Variants in CNTNAP2 observed in about 807,000 individuals in gnomAD.
CNTNAP2 encodes the protein contactin-associated protein-like 2.
Under a neutral mutation model 155.2 loss-of-function variants are expected in CNTNAP2, and 98 were observed. The ratio of observed to expected loss-of-function variants is 0.63; its 90% confidence interval spans 0.54 to 0.75. The LOEUF is 0.75. Among genes scored for constraint, CNTNAP2 ranks in the 30% least tolerant of loss-of-function variants. The pLI, the probability that CNTNAP2 is intolerant of heterozygous loss-of-function variation, is 0.00. For synonymous variants in CNTNAP2, 651 were observed against 631.2 expected (o/e 1.03, Z -0.47); for missense variants, 1,727 against 1,688.1 (o/e 1.02, Z -0.40).
intron 15 of CNTNAP2, among the ~76,000 whole-genome samples, chr7:147,981,250 C>G (rs954025929): frequency 2.0e-5 from 3 of 152,234 alleles, no homozygotes; most frequent in African/African-American, 4.8e-5. Context: ...ACTGTACTCT[C>G]ATCCCTGAGC....
intron 10 of CNTNAP2, among the ~76,000 whole-genome samples, chr7:147,414,941 C>CAAAAAAAAAA (rs67048724): frequency 1.2e-4 from 6 of 50,972 alleles, no homozygotes; most frequent in Admixed American, 2.8e-4. Context: ...GACTCCTTCT[C>CAAAAAAAAAA]AAAAAAAAAA....
chr7:146,128,322 A>T (rs767449705), intron 1 of CNTNAP2, among the ~76,000 whole-genome samples: 5 of 152,208 alleles, frequency 3.3e-5, no homozygotes, highest in Non-Finnish European at 7.4e-5. Flanking sequence ...TAATATTCAA[A>T]GTATAAGGAT....
In CNTNAP2 at chr7:146,597,406, T is replaced by TA. The variant is rs548659234; in HGVS notation, c.98-176858dup. Among the ~76,000 whole-genome samples, 357 of 152,114 alleles carry TA rather than the reference T, an allele frequency of 2.3e-3. 1 individual carries two copies. The highest frequency in any genetic ancestry group is 7.9e-3 in the African/African-American group (328 of 41,506). On this transcript the variant is annotated intron_variant, in intron 1 of 23. Coordinates refer to ENST00000361727, the MANE Select transcript of CNTNAP2 (RefSeq NM_014141.6). ...ACCTGAGAGTCCATAATGGCAATTT[T>TA]AAAAAAATGAATACATTGAGCATAA...
At chr7:147,064,505 G>A (rs1799742442) in intron 4 of CNTNAP2, among the ~76,000 whole-genome samples, 1 of 152,062 alleles carries the variant, frequency 6.6e-6, no homozygotes, top group Admixed American at 6.6e-5. Context: ...ATAGAGATTT[G>A]ACATTTTCCC....
chr7:146,505,981 C>CTT (rs1392561760), intron 1 of CNTNAP2, among the ~76,000 whole-genome samples: 1 of 152,180 alleles, frequency 6.6e-6, no homozygotes, highest in Non-Finnish European at 1.5e-5. Flanking sequence ...CCTTATATCA[C>CTT]TCAATAATAC....
chr7:148,372,209 T>G (rs895834675), intron 21 of CNTNAP2, among the ~76,000 whole-genome samples: 1 of 151,188 alleles, frequency 6.6e-6, no homozygotes, highest in Non-Finnish European at 1.5e-5. Flanking sequence ...TCAAAAAAAA[T>G]AAATAAAAAA....
At chr7:146,682,351 A>G (rs994004303) in intron 1 of CNTNAP2, among the ~76,000 whole-genome samples, 1 of 152,170 alleles carries the variant, frequency 6.6e-6, no homozygotes, top group Admixed American at 6.6e-5. Context: ...TATTACATTA[A>G]TCTTTGTACA....
chr7:146,761,470 G>A (rs1002441214), intron 1 of CNTNAP2, among the ~76,000 whole-genome samples: 13 of 152,146 alleles, frequency 8.5e-5, no homozygotes, highest in Non-Finnish European at 1.3e-4. Context: ...AAAATGTGAA[G>A]AAGAGCACTT....
Position 148,166,399 on chromosome 7 carries a change from T to A in CNTNAP2, c.2774-5843T>A, listed in dbSNP as rs1159240859. The stretch of plus-strand genomic sequence containing the variant: ...GTGTGTGGGCTTTAGTGTGATTCCT[T>A]CTATGGTGAATTAGTGGCCAGTCTC... On this transcript the variant is annotated intron_variant, in intron 17 of 23. Transcript: ENST00000361727. Among the ~76,000 whole-genome samples the A allele has an allele frequency of 1.2e-4, 18 of 152,270 alleles. No homozygotes were observed. The East Asian group carries it at 3.5e-3, about 29-fold the overall frequency.
chr7:146,970,751 C>T (rs1394907105), intron 3 of CNTNAP2, among the ~76,000 whole-genome samples: 1 of 152,170 alleles, frequency 6.6e-6, no homozygotes, highest in Non-Finnish European at 1.5e-5. Context: ...GCTATAAAAA[C>T]ACATGCACAC....
At chr7:146,183,607 A>AATAATC (rs1798580736) in intron 1 of CNTNAP2, among the ~76,000 whole-genome samples, 1 of 51,480 alleles carries the variant, frequency 1.9e-5, no homozygotes. Flanking sequence ...TCACCACACA[A>AATAATC]ATAATAATAA....
chr7:147,000,932 G>A (rs941423326), intron 3 of CNTNAP2, among the ~76,000 whole-genome samples: 3 of 152,080 alleles, frequency 2.0e-5, no homozygotes, highest in Non-Finnish European at 4.4e-5. Context: ...GCACTATGGT[G>A]GGTCTAAAGG....
chr7:148,310,666 G>A (rs1797580224), intron 21 of CNTNAP2, among the ~76,000 whole-genome samples: 1 of 152,156 alleles, frequency 6.6e-6, no homozygotes, highest in Admixed American at 6.5e-5. Flanking sequence ...GCATGTGCCT[G>A]TCCAATTAGC....
chr7:146,354,112 T>A (rs1794962277), intron 1 of CNTNAP2, among the ~76,000 whole-genome samples: 1 of 152,174 alleles, frequency 6.6e-6, no homozygotes, highest in African/African-American at 2.4e-5. Flanking sequence ...CACATTTAGA[T>A]AACTACTCAT....
At chr7:147,487,658 C>A (rs1020447994) in intron 11 of CNTNAP2, among the ~76,000 whole-genome samples, 1 of 151,506 alleles carries the variant, frequency 6.6e-6, no homozygotes, top group Non-Finnish European at 1.5e-5. Flanking sequence ...GCAACTTATT[C>A]TTTTTTTATA....
At chr7:147,535,407 A>T (rs1468160158) in intron 11 of CNTNAP2, among the ~76,000 whole-genome samples, 2 of 152,104 alleles carry the variant, frequency 1.3e-5, no homozygotes, top group Non-Finnish European at 2.9e-5. Context: ...AATAAAAATA[A>T]ATAAATAAAT....
intron 1 of CNTNAP2, among the ~76,000 whole-genome samples, chr7:146,388,924 A>G (rs572120205): frequency 5.6e-4 from 86 of 152,230 alleles, no homozygotes; most frequent in African/African-American, 1.9e-3. Context: ...ATCTGTTGTC[A>G]GAAGAAGATG....
chr7:148,215,571 T>A (rs1256504717), intron 18 of CNTNAP2, among the ~76,000 whole-genome samples: 2 of 151,502 alleles, frequency 1.3e-5, no homozygotes, highest in African/African-American at 4.9e-5. Context: ...CTTTCACACA[T>A]GTGTGTGGTG....
intron 4 of CNTNAP2, among the ~76,000 whole-genome samples, chr7:147,089,107 AT>A (rs1800344244): frequency 6.6e-6 from 1 of 152,198 alleles, no homozygotes; most frequent in South Asian, 2.1e-4. Context: ...GGTTAGATGA[AT>A]GGCTGACAAG....
Sources: gnomAD v4.1 joint callset for allele counts (sites outside exome capture counted in the v4.1 genomes callset) on GRCh38, gnomAD v4.1.1 for gene constraint, MANE v1.5 for transcripts, NCBI Gene and HGNC (gene_info 2026-07-23, HGNC 2026-07-21) for gene names.